The following AGPAT4 variants were observed in gnomAD, a reference collection of about 807,000 sequenced individuals.
AGPAT4 encodes the protein 1-acylglycerol-3-phosphate O-acyltransferase 4.
AGPAT4 carries 15 observed loss-of-function variants against 48.0 expected under a neutral mutation model. That is an observed-to-expected ratio of 0.31 (90% CI 0.21 to 0.48). The LOEUF (loss-of-function observed/expected upper bound fraction) is 0.48, where lower values mean the gene tolerates loss of function less well. Among genes scored for constraint, AGPAT4 ranks in the 20% least tolerant of loss-of-function variants. The pLI, the probability that AGPAT4 is intolerant of heterozygous loss-of-function variation, is 0.99. For missense variants in AGPAT4, 314 were observed against 482.5 expected (o/e 0.65, Z 3.27); for synonymous variants, 178 against 198.7 (o/e 0.90, Z 0.88).
At chr6:161,181,349 C>T (rs1002703801) in intron 2 of AGPAT4, among the ~76,000 whole-genome samples, 5 of 152,098 alleles carry the variant, frequency 3.3e-5, no homozygotes, top group Non-Finnish European at 7.4e-5. Flanking sequence ...GTGCACTAAG[C>T]AGCTAGCTCC....
rs1382997461 is a variant in AGPAT4 at position 161,153,369 on chromosome 6, G to A, written c.641C>T (p.Thr214Ile). Residue 214 changes from threonine to isoleucine, a missense_variant, in exon 5 of 9, where the codon ACC (threonine) becomes ATC (isoleucine). Thr to Ile is a moderately conservative substitution (Grantham distance 89, BLOSUM62 -1). Transcript: ENST00000320285. ...ACCTACATTTCTCAAGCTCCTCACG[G>A]TGATGGCGAAGCCCTTGGTTCGTGG... is the stretch of plus-strand genomic sequence containing the variant. ...LLPRTKGFAI[T>I]VRSLRNVVSA... is the part of the protein sequence containing the mutation. The A allele has an allele frequency of 3.1e-6, 5 of 1,610,028 alleles. No individual in the cohort carries two copies. The Admixed American group carries it at 6.7e-5, about 22-fold the overall frequency.
chr6:161,187,852 T>A (rs1780816193), intron 2 of AGPAT4, among the ~76,000 whole-genome samples: 1 of 152,196 alleles, frequency 6.6e-6, no homozygotes. Flanking sequence ...CCCAACTTTT[T>A]TTATTTTAAA....
rs1012950561 is a variant in AGPAT4, at chr6:161,147,356, A to G, written c.768-757T>C. 4.6e-5 allele frequency among the ~76,000 whole-genome samples: 7 copies of G among 152,006 alleles called. No homozygotes were observed. The highest frequency in any genetic ancestry group is 1.4e-4 in the African/African-American group (6 of 41,382). ...TCACTCTGCCACCTTTGCCCTTCCT[A>G]TTTGTTCTCAGGTTGATGGCTCTTG... On this transcript the variant is annotated intron_variant, in intron 6 of 8. Coordinates refer to ENST00000320285, the MANE Select transcript of AGPAT4 (RefSeq NM_020133.3). This position sits in a 1 kb window ranked among gnomAD's most constrained non-coding sequence, Gnocchi z 4.8.
At chr6:161,192,245 G>A (rs2115002114) in intron 2 of AGPAT4, among the ~76,000 whole-genome samples, 1 of 148,696 alleles carries the variant, frequency 6.7e-6, no homozygotes, top group East Asian at 2.0e-4. Flanking sequence ...CTGCCTCCCA[G>A]GTTTAAGCGA....
chr6:161,161,713 C>T lies in AGPAT4; in HGVS notation c.348+4535G>A, dbSNP rs967142037. On this transcript the variant is annotated intron_variant, in intron 3 of 8. Coordinates refer to ENST00000320285, the MANE Select transcript of AGPAT4 (RefSeq NM_020133.3). This position sits in a 1 kb window ranked among gnomAD's most constrained non-coding sequence, Gnocchi z 4.6. ...GTGTATGAAGAAGCTGGGGTAAAGG[C>T]GGTGAAATAATGCTGTGTTGCATGA... 1.5e-5 allele frequency: 5 copies of T among 341,282 alleles called. No individual in the cohort carries two copies. The highest frequency in any genetic ancestry group is 2.3e-5 in the Non-Finnish European group (4 of 171,208). 21.1% of individuals were successfully genotyped at this position (341,282 alleles called of 1,614,324 possible).
rs1004911886 is a variant in AGPAT4, at chr6:161,221,623, A to G, written c.178+10413T>C. 6.6e-6 allele frequency among the ~76,000 whole-genome samples: 1 copy of G among 152,162 alleles called. No homozygotes were observed. Among genetic ancestry groups the G allele is most frequent in the African/African-American group, 2.4e-5 (1 of 41,452 alleles). On this transcript the variant is annotated intron_variant, in intron 2 of 8. Transcript: ENST00000320285. This position sits in a 1 kb window ranked among gnomAD's most constrained non-coding sequence, Gnocchi z 4.5. Reference sequence around the variant, plus strand: ...CATTTCCTGGGGCTGCCAAAGGACCACAGACTGGGGAACTGAAGTAACAGA... The same window carrying G: ...CATTTCCTGGGGCTGCCAAAGGACCGCAGACTGGGGAACTGAAGTAACAGA...
Position 161,149,129 on chromosome 6 carries a change from G to A in AGPAT4, c.767+58C>T. 6.3e-7 allele frequency: 1 copy of A among 1,582,194 alleles called. No individual in the cohort carries two copies. Among genetic ancestry groups the A allele is most frequent in the South Asian group, 1.2e-5 (1 of 84,820 alleles). On this transcript the variant is annotated intron_variant, in intron 6 of 8. Transcript: ENST00000320285. The surrounding 1 kb of genome is among the most constrained non-coding windows in gnomAD (Gnocchi z 6.5). ...GGAAGAAAGTCTCTAGGTCATTTGT[G>A]ATGTGTTTACTTTGAAATGGGCACT...
rs916494089 is a variant in AGPAT4, at chr6:161,233,134, C to A, written c.-89-832G>T. On this transcript the variant is annotated intron_variant, in intron 1 of 8. Transcript: ENST00000320285. This position sits in a 1 kb window ranked among gnomAD's most constrained non-coding sequence, Gnocchi z 5.4. ...CCACACACACACACACACACACACACACACACACACAGATACACACATCCT... is the reference window on the plus strand; with the variant it reads ...CCACACACACACACACACACACACAAACACACACACAGATACACACATCCT... Among the ~76,000 whole-genome samples the A allele has an allele frequency of 6.8e-6, 1 of 146,548 alleles. No homozygotes were observed. Among genetic ancestry groups the A allele is most frequent in the African/African-American group, 2.6e-5 (1 of 38,966 alleles).
rs1042869456 is a variant in AGPAT4 at position 161,155,116 on chromosome 6, A to T, written c.349-806T>A. Among the ~76,000 whole-genome samples the T allele has an allele frequency of 2.6e-5, 4 of 152,178 alleles. No homozygotes were observed. Among genetic ancestry groups the T allele is most frequent in the African/African-American group, 9.6e-5 (4 of 41,460 alleles). The stretch of plus-strand genomic sequence containing the variant: ...GACGCAGGTGCACGAGCTAGGCCCC[A>T]CAGGTCCCCTCTGGGGAGTCTCAGG... On this transcript the variant is annotated intron_variant, in intron 3 of 8. Coordinates refer to ENST00000320285, the MANE Select transcript of AGPAT4 (RefSeq NM_020133.3). This position sits in a 1 kb window ranked among gnomAD's most constrained non-coding sequence, Gnocchi z 5.8.
chr6:161,147,756 A>C lies in AGPAT4; in HGVS notation c.768-1157T>G, dbSNP rs1360512682. ...TCTGCTTTGGAAATGAGATCTCTCA[A>C]GTCTGCCTAATATTTCTTTATTTGG... On this transcript the variant is annotated intron_variant, in intron 6 of 8. Coordinates refer to ENST00000320285, the MANE Select transcript of AGPAT4 (RefSeq NM_020133.3). This position sits in a 1 kb window ranked among gnomAD's most constrained non-coding sequence, Gnocchi z 4.8. Among the ~76,000 whole-genome samples the C allele has an allele frequency of 6.6e-6, 1 of 152,202 alleles. No individual in the cohort carries two copies. Among genetic ancestry groups the C allele is most frequent in the Non-Finnish European group, 1.5e-5 (1 of 68,034 alleles).
At position 161,212,123 on chromosome 6, in the gene AGPAT4, G is replaced by A. The variant is rs780096794; in HGVS notation, c.178+19913C>T. On this transcript the variant is annotated intron_variant, in intron 2 of 8. Coordinates refer to ENST00000320285, the MANE Select transcript of AGPAT4 (RefSeq NM_020133.3). The surrounding 1 kb of genome is among the most constrained non-coding windows in gnomAD (Gnocchi z 6.1). ...TCTTGAAGCATTAACTGACTCCTCAGTAAATGTTATAAAGGTTATAAAAGG... is the reference window on the plus strand; with the variant it reads ...TCTTGAAGCATTAACTGACTCCTCAATAAATGTTATAAAGGTTATAAAAGG... Among the ~76,000 whole-genome samples, 8 of 152,130 alleles carry A rather than the reference G, an allele frequency of 5.3e-5. No homozygotes were observed. Among genetic ancestry groups the A allele is most frequent in the Admixed American group, 1.3e-4 (2 of 15,256 alleles).
In AGPAT4 at chr6:161,164,102, C is replaced by T. The variant is rs957980523; in HGVS notation, c.348+2146G>A. On this transcript the variant is annotated intron_variant, in intron 3 of 8. Coordinates refer to ENST00000320285, the MANE Select transcript of AGPAT4 (RefSeq NM_020133.3). The surrounding 1 kb of genome is among the most constrained non-coding windows in gnomAD (Gnocchi z 7.4). ...CTTGCTTTCCCGCCATCAGCGCTCCCGCCCTTATGCTCAGAGTTGTAAAGT... is the reference window on the plus strand; with the variant it reads ...CTTGCTTTCCCGCCATCAGCGCTCCTGCCCTTATGCTCAGAGTTGTAAAGT... Among the ~76,000 whole-genome samples the T allele has an allele frequency of 2.0e-5, 3 of 152,218 alleles. No individual in the cohort carries two copies. Among genetic ancestry groups the T allele is most frequent in the Non-Finnish European group, 2.9e-5 (2 of 68,044 alleles).
chr6:161,257,822 T>C (rs1472441969), intron 1 of AGPAT4, among the ~76,000 whole-genome samples: 2 of 152,194 alleles, frequency 1.3e-5, no homozygotes, highest in African/African-American at 2.4e-5. Flanking sequence ...TGTTGTTCCA[T>C]TAGCTATGAA....
At position 161,154,084 on chromosome 6, in the gene AGPAT4, T is replaced by C. The variant is rs751396888; in HGVS notation, c.510+65A>G. 2.5e-6 allele frequency: 4 copies of C among 1,605,344 alleles called. No individual in the cohort carries two copies. Among genetic ancestry groups the C allele is most frequent in the African/African-American group, 2.7e-5 (2 of 74,704 alleles). ...AGTCACGTGTCCTGTGGAAGTCACA[T>C]GGGGGTCCCACGGTCACAGTCCTGC... On this transcript the variant is annotated intron_variant, in intron 4 of 8. Transcript: ENST00000320285. This position sits in a 1 kb window ranked among gnomAD's most constrained non-coding sequence, Gnocchi z 7.8.
In AGPAT4 at chr6:161,165,488, C is replaced by T. The variant is rs1252169939; in HGVS notation, c.348+760G>A. 3.1e-5 allele frequency: 27 copies of T among 872,464 alleles called. No homozygotes were observed. Among genetic ancestry groups the T allele is most frequent in the Non-Finnish European group, 3.8e-5 (25 of 662,790 alleles). 54.0% of individuals were successfully genotyped at this position (872,464 alleles called of 1,614,324 possible). ...AGGGCATTGTTCCCAGGTGCAAAAC[C>T]TGATCTCTAAGTTCTGGTGCAAACT... is the stretch of plus-strand genomic sequence containing the variant. On this transcript the variant is annotated intron_variant, in intron 3 of 8. Coordinates refer to ENST00000320285, the MANE Select transcript of AGPAT4 (RefSeq NM_020133.3). This position sits in a 1 kb window ranked among gnomAD's most constrained non-coding sequence, Gnocchi z 5.5.
At chr6:161,253,212 C>CA (rs1268782429) in intron 1 of AGPAT4, among the ~76,000 whole-genome samples, 10 of 136,490 alleles carry the variant, frequency 7.3e-5, no homozygotes, top group Admixed American at 5.2e-4. Flanking sequence ...GACTCCAACT[C>CA]AAAAAAAAAG....
At position 161,226,197 on chromosome 6, in the gene AGPAT4, G is replaced by A. The variant is rs1363631572; in HGVS notation, c.178+5839C>T. 6.6e-6 allele frequency among the ~76,000 whole-genome samples: 1 copy of A among 152,166 alleles called. No homozygotes were observed. The highest frequency in any genetic ancestry group is 1.5e-5 in the Non-Finnish European group (1 of 68,032). ...TTGACAGGCTCAAAGGCAGTGATAT[G>A]AAGGGTTAGGACAGGGGCCACTCAG... On this transcript the variant is annotated intron_variant, in intron 2 of 8. Coordinates refer to ENST00000320285, the MANE Select transcript of AGPAT4 (RefSeq NM_020133.3). The surrounding 1 kb of genome is among the most constrained non-coding windows in gnomAD (Gnocchi z 6.3).
Position 161,133,677 on chromosome 6 carries a change from C to T in AGPAT4, c.*2863G>A, listed in dbSNP as rs1374889167. 6.6e-6 allele frequency: 1 copy of T among 152,144 alleles called. No individual in the cohort carries two copies. The highest frequency in any genetic ancestry group is 1.9e-4 in the East Asian group (1 of 5,186). The allele number at this position is 152,144 out of a possible 1,614,324, so 9.4% of individuals were successfully genotyped here. ...CTGCAGGAGTCGCCTAGGATATGGC[C>T]CGTCACGTCTGGGGATGACCCTGCA... is the stretch of plus-strand genomic sequence containing the variant. On this transcript the variant is annotated 3_prime_UTR_variant, in exon 9 of 9. Coordinates refer to ENST00000320285, the MANE Select transcript of AGPAT4 (RefSeq NM_020133.3).
chr6:161,235,617 A>AAGGCTGTGCAG lies in AGPAT4; in HGVS notation c.-89-3316_-89-3315insCTGCACAGCCT, dbSNP rs1782252533. ...GCTCATGGTTCTGCAGGCTGTACAG[A>AAGGCTGTGCAG]AAGCACAGTGGCTTCTGATTCTGGG... On this transcript the variant is annotated intron_variant, in intron 1 of 8. Coordinates refer to ENST00000320285, the MANE Select transcript of AGPAT4 (RefSeq NM_020133.3). The surrounding 1 kb of genome is among the most constrained non-coding windows in gnomAD (Gnocchi z 6.2). Among the ~76,000 whole-genome samples, 1 of 152,198 alleles carries AAGGCTGTGCAG rather than the reference A, an allele frequency of 6.6e-6. No homozygotes were observed. The highest frequency in any genetic ancestry group is 1.5e-5 in the Non-Finnish European group (1 of 68,026).
Sources: gnomAD v4.1 joint callset for allele counts (sites outside exome capture counted in the v4.1 genomes callset) on GRCh38, gnomAD v4.1.1 for gene constraint, Gnocchi (gnomAD v3.1) non-coding constraint, MANE v1.5 for transcripts, NCBI Gene and HGNC (gene_info 2026-07-23, HGNC 2026-07-21) for gene names.